ATG10: variants seen among roughly 807,000 people sequenced by gnomAD.
ATG10 encodes the protein autophagy related 10.
A neutral mutation model predicts 32.1 loss-of-function variants in ATG10; 30 were observed. That is an observed-to-expected ratio of 0.94 (90% CI 0.70 to 1.27). ATG10 has a LOEUF of 1.27. Ranked by LOEUF, ATG10 falls within the 50% of genes most tolerant of loss-of-function variation. The probability of loss-of-function intolerance (pLI) is 0.00; values close to 1 mark genes in which losing one functional copy is unlikely to be tolerated. For synonymous variants in ATG10, 87 were observed against 91.5 expected (o/e 0.95, Z 0.28); for missense variants, 233 against 262.3 (o/e 0.89, Z 0.77).
At chr5:82,225,757 G>T (rs1291865339) in intron 5 of ATG10, among the ~76,000 whole-genome samples, 1 of 152,046 alleles carries the variant, frequency 6.6e-6, no homozygotes, top group Non-Finnish European at 1.5e-5. Context: ...GCTCTCTGGC[G>T]GTCTCTGGTG....
At position 81,972,069 on chromosome 5, in the gene ATG10, G is replaced by A. The variant is rs1760736272; in HGVS notation, c.-250G>A. Reference sequence around the variant, plus strand: ...GGCCGTGGCGGACCTGACTGAAGGAGGCCGCGGACCTGACTGAAGGAGGCC... The same window carrying A: ...GGCCGTGGCGGACCTGACTGAAGGAAGCCGCGGACCTGACTGAAGGAGGCC... On this transcript the variant is annotated 5_prime_UTR_variant, in exon 1 of 8. Coordinates refer to ENST00000282185, the MANE Select transcript of ATG10 (RefSeq NM_031482.5). The A allele has an allele frequency of 1.3e-5, 2 of 151,820 alleles. No individual in the cohort carries two copies. Among genetic ancestry groups the A allele is most frequent in the Non-Finnish European group, 2.9e-5 (2 of 67,908 alleles). The allele number at this position is 151,820 out of a possible 1,614,324, so 9.4% of individuals were successfully genotyped here.
chr5:82,158,956 G>C (rs1320887547), intron 3 of ATG10, among the ~76,000 whole-genome samples: 5 of 152,112 alleles, frequency 3.3e-5, no homozygotes, highest in African/African-American at 1.2e-4. Flanking sequence ...ATAATACTGA[G>C]CCCTATATAT....
chr5:82,218,972 T>C (rs1041475954), intron 5 of ATG10, among the ~76,000 whole-genome samples: 12 of 152,202 alleles, frequency 7.9e-5, no homozygotes, highest in African/African-American at 2.7e-4. Flanking sequence ...GAGAAGATTG[T>C]CTCAGGTTGT....
intron 3 of ATG10, among the ~76,000 whole-genome samples, chr5:82,118,936 G>C (rs1425481959): frequency 6.6e-6 from 1 of 152,062 alleles, no homozygotes; most frequent in Non-Finnish European, 1.5e-5. Flanking sequence ...GTTCAAGGAG[G>C]GCAATGTCTT....
At chr5:81,981,407 G>C (rs1761044354) in intron 1 of ATG10, among the ~76,000 whole-genome samples, 1 of 152,180 alleles carries the variant, frequency 6.6e-6, no homozygotes, top group Admixed American at 6.5e-5. Flanking sequence ...ACTGCCTAAG[G>C]ACCTTGCTAG....
chr5:82,051,613 A>C (rs888207596), intron 2 of ATG10, among the ~76,000 whole-genome samples: 2 of 152,102 alleles, frequency 1.3e-5, no homozygotes, highest in Admixed American at 6.6e-5. Context: ...TATATAACAT[A>C]ACCAGAGGCA....
intron 3 of ATG10, among the ~76,000 whole-genome samples, chr5:82,099,510 C>T (rs1228914014): frequency 3.3e-5 from 5 of 151,926 alleles, no homozygotes; most frequent in Non-Finnish European, 1.5e-5. Flanking sequence ...ACTGAACCTA[C>T]AGGAAATGAA....
chr5:82,120,709 A>G (rs992033356), intron 3 of ATG10, among the ~76,000 whole-genome samples: 4 of 151,546 alleles, frequency 2.6e-5, no homozygotes, highest in African/African-American at 9.7e-5. Context: ...TACTGTCTAT[A>G]TTTATATTAT....
intron 5 of ATG10, among the ~76,000 whole-genome samples, chr5:82,179,710 T>A (rs879305817): frequency 3.2e-4 from 49 of 152,262 alleles, no homozygotes; most frequent in Middle Eastern, 3.4e-3. Context: ...ATATTATTTT[T>A]TCCAAGCTTC....
At chr5:82,214,192 A>T (rs17245672) in intron 5 of ATG10, among the ~76,000 whole-genome samples, 2,276 of 152,318 alleles carry the variant, frequency 0.015, 28 homozygotes, top group Non-Finnish European at 0.023. Context: ...CTTAGAATAC[A>T]TCATAATCAC....
At chr5:82,141,894 A>G (rs1041985446) in intron 3 of ATG10, among the ~76,000 whole-genome samples, 2 of 152,022 alleles carry the variant, frequency 1.3e-5, no homozygotes, top group African/African-American at 4.8e-5. Flanking sequence ...CCTCCCTCAT[A>G]TCATCTTCTC....
In ATG10 at chr5:82,251,164, G is replaced by A. The variant is rs1486087773; in HGVS notation, c.454-1398G>A. 3.9e-5 allele frequency among the ~76,000 whole-genome samples: 6 copies of A among 152,196 alleles called. No homozygotes were observed. In the East Asian group the frequency reaches 1.2e-3, roughly 29 times the overall value. On this transcript the variant is annotated intron_variant, in intron 5 of 7. Coordinates refer to ENST00000282185, the MANE Select transcript of ATG10 (RefSeq NM_031482.5). Reference sequence around the variant, plus strand: ...ACCACCCCAAATCTCCATACCCAGTGTCACCAATACAAGAGGAATTGTCCC... The same window carrying A: ...ACCACCCCAAATCTCCATACCCAGTATCACCAATACAAGAGGAATTGTCCC...
intron 1 of ATG10, among the ~76,000 whole-genome samples, chr5:81,986,041 G>A (rs1761259571): frequency 6.6e-6 from 1 of 151,682 alleles, no homozygotes; most frequent in African/African-American, 2.4e-5. Flanking sequence ...TGGGATTACA[G>A]GCGTGAGCCA....
chr5:82,107,364 G>C (rs899008173), intron 3 of ATG10, among the ~76,000 whole-genome samples: 2 of 152,016 alleles, frequency 1.3e-5, no homozygotes, highest in Non-Finnish European at 2.9e-5. Flanking sequence ...GAACTCAGTG[G>C]AAAGTTTCTA....
intron 3 of ATG10, among the ~76,000 whole-genome samples, chr5:82,076,775 A>G (rs911908646): frequency 6.6e-6 from 1 of 152,240 alleles, no homozygotes; most frequent in African/African-American, 2.4e-5. Flanking sequence ...CCTCAATTGT[A>G]TAGTAGTAGG....
intron 2 of ATG10, among the ~76,000 whole-genome samples, chr5:81,988,142 T>G (rs996545692): frequency 9.2e-5 from 14 of 152,200 alleles, no homozygotes; most frequent in African/African-American, 3.1e-4. Flanking sequence ...TATTTCAAAA[T>G]ATTTTTTCTT....
chr5:82,220,894 A>G (rs1581818899), intron 5 of ATG10, among the ~76,000 whole-genome samples: 1 of 151,800 alleles, frequency 6.6e-6, no homozygotes, highest in Middle Eastern at 3.4e-3. Flanking sequence ...CCCAACTGGG[A>G]CTACAGGCAC....
chr5:82,196,209 T>C (rs1469429106), intron 5 of ATG10, among the ~76,000 whole-genome samples: 1 of 152,190 alleles, frequency 6.6e-6, no homozygotes, highest in East Asian at 1.9e-4. Flanking sequence ...TATACTCAAA[T>C]CCTTTGTGCA....
chr5:82,222,339 T>C (rs1745961917), intron 5 of ATG10, among the ~76,000 whole-genome samples: 1 of 152,248 alleles, frequency 6.6e-6, no homozygotes, highest in Admixed American at 6.5e-5. Flanking sequence ...AGCCTTTCTA[T>C]GCCTTAATTT....
Sources: gnomAD v4.1 joint callset for allele counts (sites outside exome capture counted in the v4.1 genomes callset) on GRCh38, gnomAD v4.1.1 for gene constraint, MANE v1.5 for transcripts, NCBI Gene and HGNC (gene_info 2026-07-23, HGNC 2026-07-21) for gene names.